Variants in ATG16L2 observed in about 807,000 individuals in gnomAD.
ATG16L2 encodes protein Atg16l2.
In ATG16L2, 77 loss-of-function variants were observed where a neutral mutation model predicts 84.7. The ratio of observed to expected loss-of-function variants is 0.91; its 90% CI spans 0.76 to 1.10. ATG16L2 has a LOEUF of 1.10. Among genes scored for constraint, ATG16L2 ranks in the 50% least tolerant of loss-of-function variants. ATG16L2 has a pLI of 0.00. For synonymous variants in ATG16L2, 361 were observed against 342.8 expected (o/e 1.05, Z -0.59); for missense variants, 782 against 817.6 (o/e 0.96, Z 0.53).
rs201194597 is a variant in ATG16L2, at chr11:72,816,845, C to T, written c.218+18C>T. 10,027 of 1,605,680 alleles carry T rather than the reference C, an allele frequency of 6.2e-3. 37 individuals are homozygous for T. Among genetic ancestry groups the T allele is most frequent in the Non-Finnish European group, 7.6e-3 (8,922 of 1,172,446 alleles). ...GGCCCCTGGTAAGTGTATGTGGGTC[C>T]GTGGTCACAAAGGGCTGCCTGTGCT... On this transcript the variant is annotated intron_variant, in intron 2 of 17. Coordinates refer to ENST00000321297, the MANE Select transcript of ATG16L2 (RefSeq NM_033388.2).
chr11:72,822,866 C>A lies in ATG16L2; in HGVS notation c.729C>A (p.Gly243=). The A allele has an allele frequency of 1.3e-6, 2 of 1,565,952 alleles. No homozygotes were observed. Among genetic ancestry groups the A allele is most frequent in the Non-Finnish European group, 1.7e-6 (2 of 1,154,614 alleles). ...VSISEGPDTL[G]DGMRERRETL... is the part of the protein sequence containing the mutation. ...CTCCTAGGGGCCCGGACACCCTAGG[C>A]GATGGGATGAGGGAGAGAAGGGAGA... The change falls in exon 7 of 18, where the codon GGC becomes GGA. Residue 243 remains glycine, a synonymous_variant. Transcript: ENST00000321297. This position sits in a 1 kb window ranked among gnomAD's most constrained non-coding sequence, Gnocchi z 4.2.
At chr11:72,814,955 T>A (rs1437716035) in intron 1 of ATG16L2, among the ~76,000 whole-genome samples, 1 of 152,190 alleles carries the variant, frequency 6.6e-6, no homozygotes, top group African/African-American at 2.4e-5. Context: ...GCGGGACTTG[T>A]CCAGAGCAGC....
At position 72,838,688 on chromosome 11, in the gene ATG16L2, T is replaced by G. The variant is rs1263405112; in HGVS notation, c.*22-3929T>G. On this transcript the variant is annotated intron_variant, in intron 5 of 5. Transcript: ENST00000534905. ...ACACATAATCCTCCTTGTTTTTTGC[T>G]CTGTTCAAGAGTCATCATCATGCAA... is the stretch of plus-strand genomic sequence containing the variant. 2.7e-5 allele frequency: 25 copies of G among 909,996 alleles called. No homozygotes were observed. The East Asian group carries it at 6.1e-4, about 22-fold the overall frequency. 56.4% of individuals were successfully genotyped at this position (909,996 alleles called of 1,614,324 possible). A position where few individuals can be genotyped will look rare whatever the true frequency, so the allele number is the denominator to read the frequency against.
chr11:72,822,238 T>C lies in ATG16L2; in HGVS notation c.587T>C (p.Val196Ala). The change falls in exon 5 of 18, where the codon GTG becomes GCG. Residue 196 changes from valine (V) to alanine (A), a missense_variant. Transcript: ENST00000321297. The surrounding 1 kb of genome is among the most constrained non-coding windows in gnomAD (Gnocchi z 4.2). ...EEARDLLERL[V>A]QRKARAAAER... ...GCGCGCGACCTGCTGGAGAGGCTCGTGCAGCGCAAGGCGCGCGCCGCGGCC... is the reference window on the plus strand; with the variant it reads ...GCGCGCGACCTGCTGGAGAGGCTCGCGCAGCGCAAGGCGCGCGCCGCGGCC... The C allele has an allele frequency of 1.3e-6, 2 of 1,499,110 alleles. No individual in the cohort carries two copies. The highest frequency in any genetic ancestry group is 1.8e-6 in the Non-Finnish European group (2 of 1,133,990). The allele number at this position is 1,499,110 out of a possible 1,614,324, so 92.9% of individuals were successfully genotyped here.
chr11:72,818,276 C>T, intron 3 of ATG16L2: 1 of 165,838 alleles, frequency 6.0e-6, no homozygotes, highest in East Asian at 1.8e-4. Context: ...TACCGCCTTC[C>T]CTGCCCCTTT....
rs149383628 is a variant in ATG16L2, at chr11:72,827,444, G to A, written c.1472+151G>A. On this transcript the variant is annotated intron_variant, in intron 14 of 17. Transcript: ENST00000321297. Reference sequence around the variant, plus strand: ...CTGGCACTGCCAGCTAGTGCCTCTCGGCTGGGCTCAGCTCCCGCAGGAAGC... The same window carrying A: ...CTGGCACTGCCAGCTAGTGCCTCTCAGCTGGGCTCAGCTCCCGCAGGAAGC... The A allele has an allele frequency of 1.2e-3, 759 of 656,634 alleles. 8 individuals carry two copies. In the African/African-American group the frequency reaches 0.012, roughly 11 times the overall value. The allele number at this position is 656,634 out of a possible 1,614,324, so 40.7% of individuals were successfully genotyped here. A position where few individuals can be genotyped will look rare whatever the true frequency, so the allele number is the denominator to read the frequency against.
chr11:72,814,481 G>A lies in ATG16L2; in HGVS notation c.36G>A (p.Ala12=). The A allele has an allele frequency of 2.0e-6, 3 of 1,524,178 alleles. No homozygotes were observed. Among genetic ancestry groups the A allele is most frequent in the Middle Eastern group, 2.0e-4 (1 of 5,012 alleles). 94.4% of individuals were successfully genotyped at this position (1,524,178 alleles called of 1,614,324 possible). A position where few individuals can be genotyped will look rare whatever the true frequency, so the allele number is the denominator to read the frequency against. The change falls in exon 1 of 18, where the codon GCG becomes GCA. Residue 12 remains alanine, a synonymous_variant. Coordinates refer to ENST00000321297, the MANE Select transcript of ATG16L2 (RefSeq NM_033388.2). ...CGGGCGTCCCCGGTGCCCCCGCAGC[G>A]CGCTGGAAACGCCACATCGTGCGGC... The part of the protein sequence containing the change: ...AGPGVPGAPA[A]RWKRHIVRQL...
chr11:72,819,780 CTG>C (rs1326552326), intron 3 of ATG16L2, among the ~76,000 whole-genome samples: 1 of 151,830 alleles, frequency 6.6e-6, no homozygotes, highest in Non-Finnish European at 1.5e-5. Flanking sequence ...GAGTCTCACT[CTG>C]TTGCCCAGGC....
chr11:72,828,912 C>A lies in ATG16L2; in HGVS notation c.1700C>A (p.Ser567Tyr). The change falls in exon 17 of 18, where the codon TCC becomes TAC. Residue 567 changes from serine (S) to tyrosine (Y), a missense_variant. By Grantham distance (144) the Ser-to-Tyr change is moderately radical. Coordinates refer to ENST00000321297, the MANE Select transcript of ATG16L2 (RefSeq NM_033388.2). The part of the protein sequence containing the change: ...SPDRSYALAG[S>Y]CDGALYIWDV... ...GACAGAAGCTATGCACTGGCAGGCT[C>A]CTGTGATGGGGCCCTTTACATCTGG... is the stretch of plus-strand genomic sequence containing the variant. The A allele has an allele frequency of 6.2e-7, 1 of 1,614,164 alleles. No homozygotes were observed. The highest frequency in any genetic ancestry group is 8.5e-7 in the Non-Finnish European group (1 of 1,180,022).
At chr11:72,833,629 T>C (rs117558080), downstream of ATG16L2, among the ~76,000 whole-genome samples, 685 of 152,222 alleles carry the variant, frequency 4.5e-3, no homozygotes, top group Middle Eastern at 6.8e-3. Context: ...GCATAAAACA[T>C]TCTAGGAAAG....
chr11:72,817,371 C>T (rs566703646), intron 2 of ATG16L2, among the ~76,000 whole-genome samples: 2 of 152,222 alleles, frequency 1.3e-5, no homozygotes, highest in South Asian at 4.1e-4. Context: ...GGAACGTGCA[C>T]CACCACCCCC....
intron 5 of ATG16L2, chr11:72,837,849 G>A (rs979782010): frequency 6.6e-6 from 1 of 152,226 alleles, no homozygotes; most frequent in African/African-American, 2.4e-5. Context: ...CGGTCTGCTG[G>A]CTTGGGAATA....
chr11:72,834,100 G>A (rs1166472141), downstream of ATG16L2, among the ~76,000 whole-genome samples: 1 of 151,972 alleles, frequency 6.6e-6, no homozygotes, highest in African/African-American at 2.4e-5. Context: ...GCAAACACAG[G>A]AAGAGTCTAG....
At chr11:72,827,122 A>G (rs1860410665) in intron 13 of ATG16L2, 66 bp from the exon 14 acceptor site, 2 of 1,279,998 alleles carry the variant, frequency 1.6e-6, no homozygotes, top group African/African-American at 1.5e-5. Flanking sequence ...GCTTCTCCAT[A>G]TGTCCTGTGG....
chr11:72,823,062 AGGGG>A, intron 7 of ATG16L2, 101 bp downstream of exon 7: 1 of 782,316 alleles, frequency 1.3e-6, no homozygotes, highest in Non-Finnish European at 2.0e-6. Context: ...TTGGGTTGGG[AGGGG>A]GCTTGAGGAG....
rs767416718 is a variant in ATG16L2 at position 72,825,319 on chromosome 11, G to T, written c.1014G>T (p.Glu338Asp). The change falls in exon 10 of 18, where the codon GAG (glutamate) becomes GAT (aspartate). Residue 338 changes from glutamate (E) to aspartate (D), a missense_variant. Transcript: ENST00000321297. ...AQDVLDAHLS[E>D]VNAVRFGPNS... ...CCCCACAGGATGCCCACCTCTCTGA[G>T]GTCAATGCTGTTCGTTTTGGCCCCA... 3 of 1,613,462 alleles carry T rather than the reference G, an allele frequency of 1.9e-6. No homozygotes were observed. The highest frequency in any genetic ancestry group is 2.7e-5 in the African/African-American group (2 of 74,898).
At chr11:72,840,008 G>C (rs1365213787) in intron 5 of ATG16L2, among the ~76,000 whole-genome samples, 1 of 152,186 alleles carries the variant, frequency 6.6e-6, no homozygotes, top group Non-Finnish European at 1.5e-5. Flanking sequence ...ATGTAGAGAA[G>C]CACATCAGCC....
chr11:72,827,064 G>C, intron 13 of ATG16L2, 124 bp from the exon 14 acceptor site: 1 of 863,384 alleles, frequency 1.2e-6, no homozygotes, highest in Non-Finnish European at 1.8e-6. Flanking sequence ...GCTGGGAAGC[G>C]GAAGACCTGG....
chr11:72,814,929 AG>A (rs761639720), intron 1 of ATG16L2, among the ~76,000 whole-genome samples: 1 of 152,198 alleles, frequency 6.6e-6, no homozygotes, highest in Non-Finnish European at 1.5e-5. Flanking sequence ...TAGTCTCGGT[AG>A]CGCAGTGAAA....
Sources: gnomAD v4.1 joint callset for allele counts (sites outside exome capture counted in the v4.1 genomes callset) on GRCh38, gnomAD v4.1.1 for gene constraint, Gnocchi (gnomAD v3.1) non-coding constraint, MANE v1.5 for transcripts, NCBI Gene and HGNC (gene_info 2026-07-23, HGNC 2026-07-21) for gene names.